The following COL27A1 variants were observed in gnomAD, a reference collection of about 807,000 sequenced individuals.
COL27A1 encodes collagen alpha-1(XXVII) chain.
A neutral mutation model predicts 251.3 loss-of-function variants in COL27A1; 106 were observed. The ratio of observed to expected loss-of-function variants is 0.42; its 90% CI spans 0.36 to 0.50. COL27A1 has a LOEUF of 0.50. Among genes scored for constraint, COL27A1 ranks in the 20% least tolerant of loss-of-function variants. COL27A1 has a pLI of 0.00. For synonymous variants in COL27A1, 1,000 were observed against 986.3 expected (o/e 1.01, Z -0.26); for missense variants, 2,325 against 2,522.8 (o/e 0.92, Z 1.68).
chr9:114,208,268 T>C (rs1202606816), intron 10 of COL27A1, among the ~76,000 whole-genome samples: 1 of 152,048 alleles, frequency 6.6e-6, no homozygotes, highest in Non-Finnish European at 1.5e-5. Flanking sequence ...CGAAACCCCG[T>C]CTCTACTAAA....
Position 114,239,783 on chromosome 9 carries a change from T to C in COL27A1, c.2728-437T>C, listed in dbSNP as rs144769722. On this transcript the variant is annotated intron_variant, in intron 19 of 60. Transcript: ENST00000356083. ...GCTGAGGTTAATTAAATCAGTGCTT[T>C]TCAATGCTTTCAAAGTCACAGCAAA... is the stretch of plus-strand genomic sequence containing the variant. 4.1e-4 allele frequency among the ~76,000 whole-genome samples: 63 copies of C among 152,298 alleles called. No individual in the cohort carries two copies. In the East Asian group the frequency reaches 8.9e-3, roughly 21 times the overall value.
In COL27A1 at chr9:114,206,234, C is replaced by CT. The variant is rs767196415; in HGVS notation, c.2224-17dup. The stretch of plus-strand genomic sequence containing the variant: ...AGCGTCTCCATATGTCCTTGCCCCT[C>CT]TGTGTTTTGTGTTTCAGGGGTTACC... On this transcript the variant is annotated splice_polypyrimidine_tract_variant and intron_variant, in intron 9 of 60. Transcript: ENST00000356083. 1 of 1,613,970 alleles carries CT rather than the reference C, an allele frequency of 6.2e-7. No homozygotes were observed. Among genetic ancestry groups the CT allele is most frequent in the Non-Finnish European group, 8.5e-7 (1 of 1,179,872 alleles).
chr9:114,209,670 C>T lies in COL27A1; in HGVS notation c.2269-5C>T, dbSNP rs2135328120. ...CGCTCTGACCCCCTTTCTTCTCTTT[C>T]CTAGGGCTACATTGGGCTCCCAGGG... On this transcript the variant is annotated splice_region_variant and splice_polypyrimidine_tract_variant and intron_variant, in intron 10 of 60. Coordinates refer to ENST00000356083, the MANE Select transcript of COL27A1 (RefSeq NM_032888.4). 2 of 1,614,156 alleles carry T rather than the reference C, an allele frequency of 1.2e-6. No homozygotes were observed. The highest frequency in any genetic ancestry group is 1.7e-6 in the Non-Finnish European group (2 of 1,179,994).
Position 114,177,215 on chromosome 9 carries a change from A to C in COL27A1, c.1909-1076A>C, listed in dbSNP as rs180959720. 3.3e-5 allele frequency among the ~76,000 whole-genome samples: 5 copies of C among 152,356 alleles called. No homozygotes were observed. In the East Asian group the frequency reaches 9.6e-4, roughly 29 times the overall value. On this transcript the variant is annotated intron_variant, in intron 3 of 60. Transcript: ENST00000356083. Reference sequence around the variant, plus strand: ...GAAGTGTGCAGCTATTAAGTGGTAAAGCCAGGATTTGAACAAAGATCAGCT... The same window carrying C: ...GAAGTGTGCAGCTATTAAGTGGTAACGCCAGGATTTGAACAAAGATCAGCT...
At position 114,290,104 on chromosome 9, in the gene COL27A1, G is replaced by A. The variant is rs1827799131; in HGVS notation, c.4253G>A (p.Gly1418Glu). 6 of 1,611,552 alleles carry A rather than the reference G, an allele frequency of 3.7e-6. No individual in the cohort carries two copies. The highest frequency in any genetic ancestry group is 5.1e-6 in the Non-Finnish European group (6 of 1,179,962). The change falls in exon 46 of 61, where the codon GGG (glycine) becomes GAG (glutamate). Residue 1418 changes from glycine (G) to glutamate (E), a missense_variant. Gly to Glu is a moderately conservative substitution (Grantham distance 98, BLOSUM62 -2). This residue lies in a region of COL27A1 where 662 missense variants were observed against 795.3 expected (regional missense o/e 0.83). Coordinates refer to ENST00000356083, the MANE Select transcript of COL27A1 (RefSeq NM_032888.4). The surrounding 1 kb of genome is among the most constrained non-coding windows in gnomAD (Gnocchi z 4.6). ...QGKAGAPGRR[G>E]VQGLQGLPGP... is the part of the protein sequence containing the mutation. ...AAGGCAGGGGCCCCAGGCCGGAGGG[G>A]GGTCCAGGTGAGTGACTACAGCTGC... is the stretch of plus-strand genomic sequence containing the variant.
intron 17 of COL27A1, among the ~76,000 whole-genome samples, chr9:114,236,408 C>G (rs1235173579): frequency 1.3e-5 from 2 of 152,178 alleles, no homozygotes; most frequent in Non-Finnish European, 2.9e-5. Context: ...AGTAACTGGC[C>G]TTACAAAATG....
intron 8 of COL27A1, 71 bp downstream of exon 8, chr9:114,205,217 C>T (rs1829866405): frequency 7.1e-7 from 1 of 1,415,396 alleles, no homozygotes; most frequent in Non-Finnish European, 9.8e-7. Flanking sequence ...CTCTGGCCCC[C>T]TCCCTAGATC....
At chr9:114,268,513 T>A (rs1273282400) in intron 34 of COL27A1, among the ~76,000 whole-genome samples, 2 of 152,192 alleles carry the variant, frequency 1.3e-5, no homozygotes, top group East Asian at 3.9e-4. Context: ...TCTCTTCAAG[T>A]CTCTCAAGGA....
chr9:114,212,646 C>T (rs1044900802), intron 12 of COL27A1, among the ~76,000 whole-genome samples: 13 of 152,222 alleles, frequency 8.5e-5, no homozygotes, highest in African/African-American at 2.7e-4. Context: ...AGCTGTGTGC[C>T]TTTCCAGGCA....
chr9:114,288,226 G>C (rs953929826), intron 41 of COL27A1, among the ~76,000 whole-genome samples: 4 of 152,144 alleles, frequency 2.6e-5, no homozygotes, highest in Non-Finnish European at 4.4e-5. Flanking sequence ...GGATCCTACA[G>C]CTCAAGGGCG....
chr9:114,235,673 C>CA, intron 17 of COL27A1, 21 bp downstream of exon 17: 1 of 1,596,150 alleles, frequency 6.3e-7, no homozygotes, highest in Non-Finnish European at 8.6e-7. Context: ...GAGATTTTCC[C>CA]CTCCCCCTGC....
intron 5 of COL27A1, among the ~76,000 whole-genome samples, chr9:114,184,806 A>G (rs1828205506): frequency 6.6e-6 from 1 of 152,206 alleles, no homozygotes; most frequent in African/African-American, 2.4e-5. Context: ...ATGGCAGTGG[A>G]GACTGCCCCC....
At position 114,289,305 on chromosome 9, in the gene COL27A1, C is replaced by T. The variant is rs781320999; in HGVS notation, c.4206+10C>T. On this transcript the variant is annotated intron_variant, in intron 45 of 60. Coordinates refer to ENST00000356083, the MANE Select transcript of COL27A1 (RefSeq NM_032888.4). ...ATCGAAAGGCGCAGAGGTAAGAGGG[C>T]CGGGGGTTCAGCAGGGAGACTGAGT... is the stretch of plus-strand genomic sequence containing the variant. 14 of 1,576,434 alleles carry T rather than the reference C, an allele frequency of 8.9e-6. No individual in the cohort carries two copies. Among genetic ancestry groups the T allele is most frequent in the South Asian group, 1.2e-5 (1 of 85,212 alleles).
chr9:114,201,286 G>A (rs1429226703), intron 7 of COL27A1, among the ~76,000 whole-genome samples: 1 of 152,356 alleles, frequency 6.6e-6, no homozygotes, highest in Non-Finnish European at 1.5e-5. Flanking sequence ...CTGCCCACGG[G>A]CCCACTTCTT....
Position 114,291,007 on chromosome 9 carries a change from C to T in COL27A1, c.4476+90C>T, listed in dbSNP as rs546420004. On this transcript the variant is annotated intron_variant, in intron 48 of 60. Coordinates refer to ENST00000356083, the MANE Select transcript of COL27A1 (RefSeq NM_032888.4). The stretch of plus-strand genomic sequence containing the variant: ...GTTCCGACCCTTTGGGCACCCATGT[C>T]CCAGGGCCTGTGTGAAAATGGAGTC... 3.3e-4 allele frequency: 292 copies of T among 884,204 alleles called. 1 individual carries two copies. The South Asian group carries it at 4.8e-3, about 15-fold the overall frequency. The allele number at this position is 884,204 out of a possible 1,614,324, so 54.8% of individuals were successfully genotyped here. A position where few individuals can be genotyped will look rare whatever the true frequency, so the allele number is the denominator to read the frequency against.
At chr9:114,222,603 T>C (rs1831198643) in intron 14 of COL27A1, among the ~76,000 whole-genome samples, 1 of 152,166 alleles carries the variant, frequency 6.6e-6, no homozygotes. Context: ...GCTGCGTGCA[T>C]GGCCGTTGCT....
Position 114,289,253 on chromosome 9 carries a change from AC to A in COL27A1, c.4168del (p.Arg1390GlyfsTer177). ...GQQGQPGHPGPRGWPGPKGSK... is the reference protein window; with the variant it reads ...GQQGQPGHPGXRGWPGPKGSK... ...ACCTTGGTTTGCAGGGGCATCCGGG[AC>A]CCCGGGGGTGGCCGGGACCCAAAGG... On this transcript the variant is annotated frameshift_variant, in exon 45 of 61. Transcript: ENST00000356083. LOFTEE classifies it high-confidence loss of function. 1 of 1,591,330 alleles carries A rather than the reference AC, an allele frequency of 6.3e-7. No homozygotes were observed. Among genetic ancestry groups the A allele is most frequent in the Non-Finnish European group, 8.5e-7 (1 of 1,170,636 alleles).
At chr9:114,234,247 C>T (rs1366873041) in intron 16 of COL27A1, among the ~76,000 whole-genome samples, 1 of 149,426 alleles carries the variant, frequency 6.7e-6, no homozygotes, top group Admixed American at 6.7e-5. Flanking sequence ...CCTGTGGTTC[C>T]CCAAATACCA....
chr9:114,221,513 A>G (rs1267456364), intron 13 of COL27A1, among the ~76,000 whole-genome samples: 1 of 152,236 alleles, frequency 6.6e-6, no homozygotes, highest in Non-Finnish European at 1.5e-5. Flanking sequence ...TACAATGTCT[A>G]GAGCCCTGGA....
Sources: allele counts gnomAD v4.1 joint callset (sites outside exome capture counted in the v4.1 genomes callset), GRCh38; gene constraint gnomAD v4.1.1; regional missense constraint gnomAD v4.1.1; non-coding constraint Gnocchi (gnomAD v3.1); transcripts MANE v1.5; gene names NCBI Gene and HGNC (gene_info 2026-07-23, HGNC 2026-07-21).